Variants in TNFSF4 observed in about 807,000 individuals in gnomAD.
TNFSF4 encodes TNF superfamily member 4, also known as tumor necrosis factor ligand superfamily member 4.
Under a neutral mutation model 7.3 loss-of-function variants are expected in TNFSF4, and 4 were observed. That is an observed-to-expected ratio of 0.55 (90% CI 0.27 to 1.25). The LOEUF is 1.25. Among genes scored for constraint, TNFSF4 ranks in the 50% most tolerant of loss-of-function variants. The pLI is 0.12. For missense variants in TNFSF4, 181 were observed against 208.8 expected (o/e 0.87, Z 0.82); for synonymous variants, 76 against 83.7 (o/e 0.91, Z 0.50).
At chr1:173,205,239 A>C in intron 1 of TNFSF4, 1 of 1,568,750 alleles carries the variant, frequency 6.4e-7, no homozygotes, top group Non-Finnish European at 8.7e-7. Context: ...CAACTCAAAT[A>C]TACCACCTAT....
the TNFSF4 span, among the ~76,000 whole-genome samples, chr1:173,307,847 C>G: frequency 6.6e-6 from 1 of 151,812 alleles, no homozygotes; most frequent in African/African-American, 2.4e-5. Context: ...TCTTGCAATT[C>G]TTCTGTAAGG....
chr1:173,230,759 C>A, the TNFSF4 span, among the ~76,000 whole-genome samples: 4 of 152,108 alleles, frequency 2.6e-5, no homozygotes, highest in Admixed American at 2.6e-4. Flanking sequence ...CACCACCAAT[C>A]CCACAGAAAT....
the TNFSF4 span, among the ~76,000 whole-genome samples, chr1:173,269,574 G>A: frequency 6.6e-6 from 1 of 152,040 alleles, no homozygotes; most frequent in East Asian, 1.9e-4. Flanking sequence ...CACAATAGTT[G>A]ATCTGATAAG....
At chr1:173,189,154 CA>C (rs1649364452) in intron 1 of TNFSF4, among the ~76,000 whole-genome samples, 1 of 152,148 alleles carries the variant, frequency 6.6e-6, no homozygotes. Flanking sequence ...GCATTTCTGC[CA>C]AACTCTTCTT....
At chr1:173,324,447 T>G in the TNFSF4 span, among the ~76,000 whole-genome samples, 92 of 152,242 alleles carry the variant, frequency 6.0e-4, no homozygotes, top group African/African-American at 2.1e-3. Flanking sequence ...AGGAAGAAAC[T>G]GCATCAACTA....
intron 2 of TNFSF4, among the ~76,000 whole-genome samples, chr1:173,187,632 T>C (rs934458638): frequency 2.0e-5 from 3 of 152,178 alleles, no homozygotes; most frequent in Non-Finnish European, 4.4e-5. Context: ...TACCTCCTGT[T>C]GCTAGTTTTT....
At chr1:173,318,179 G>C in the TNFSF4 span, among the ~76,000 whole-genome samples, 2 of 152,132 alleles carry the variant, frequency 1.3e-5, no homozygotes, top group African/African-American at 2.4e-5. Context: ...GCTCATGCCT[G>C]TCTGTAATCC....
chr1:173,211,641 C>T (rs558559319), upstream of TNFSF4, among the ~76,000 whole-genome samples: 1 of 152,272 alleles, frequency 6.6e-6, no homozygotes, highest in South Asian at 2.1e-4. Context: ...CCCTTACCCT[C>T]CACCTCTGAC....
At chr1:173,398,409 C>CTTTTTTTTTTTTTTTTTTTTTT in the TNFSF4 span, among the ~76,000 whole-genome samples, 11 of 101,574 alleles carry the variant, frequency 1.1e-4, no homozygotes, top group South Asian at 3.5e-4. Flanking sequence ...TATTTCTTTT[C>CTTTTTTTTTTTTTTTTTTTTTT]TTTTTTTTTT....
chr1:173,446,555 G>A, the TNFSF4 span, among the ~76,000 whole-genome samples: 1 of 152,186 alleles, frequency 6.6e-6, no homozygotes, highest in Non-Finnish European at 1.5e-5. Context: ...TGAGGGTGTT[G>A]CCAAAGAAGA....
the TNFSF4 span, among the ~76,000 whole-genome samples, chr1:173,335,523 C>T: frequency 2.5e-4 from 38 of 152,258 alleles, no homozygotes; most frequent in African/African-American, 6.7e-4. Flanking sequence ...TAATAAACAG[C>T]AGAGTCAAGG....
At position 173,185,267 on chromosome 1, in the gene TNFSF4, T is replaced by C. The variant is rs1448381091; in HGVS notation, c.*1249A>G. On this transcript the variant is annotated 3_prime_UTR_variant, in exon 3 of 3. Transcript: ENST00000281834. ...GAGAAGTTACAAATCATCTGGAAAG[T>C]TGACATGAAAAATCAGATTGTCCAC... 6.6e-6 allele frequency: 1 copy of C among 152,208 alleles called. No individual in the cohort carries two copies. Among genetic ancestry groups the C allele is most frequent in the Non-Finnish European group, 1.5e-5 (1 of 68,030 alleles). 9.4% of individuals were successfully genotyped at this position (152,208 alleles called of 1,614,324 possible). A position where few individuals can be genotyped will look rare whatever the true frequency, so the allele number is the denominator to read the frequency against.
the TNFSF4 span, among the ~76,000 whole-genome samples, chr1:173,345,401 C>T: frequency 0.75 from 114,354 of 152,118 alleles, 43,111 homozygotes; most frequent in East Asian, 0.92. Context: ...ACCATTGCAA[C>T]AGAGAAAGAG....
the TNFSF4 span, among the ~76,000 whole-genome samples, chr1:173,382,549 G>C: frequency 6.6e-6 from 1 of 152,170 alleles, no homozygotes; most frequent in Non-Finnish European, 1.5e-5. Context: ...TTCTGCACGT[G>C]TATCCCAGAA....
At chr1:173,397,960 C>T in the TNFSF4 span, among the ~76,000 whole-genome samples, 1 of 152,082 alleles carries the variant, frequency 6.6e-6, no homozygotes, top group Non-Finnish European at 1.5e-5. Flanking sequence ...GTGGTGACTC[C>T]AATTATAGTT....
At chr1:173,188,294 A>T (rs920924803) in intron 2 of TNFSF4, among the ~76,000 whole-genome samples, 10 of 152,272 alleles carry the variant, frequency 6.6e-5, no homozygotes, top group African/African-American at 2.2e-4. Flanking sequence ...TAAAGTGATT[A>T]GTACAGAGAC....
At chr1:173,299,811 T>C in the TNFSF4 span, among the ~76,000 whole-genome samples, 18 of 151,774 alleles carry the variant, frequency 1.2e-4, no homozygotes, top group Non-Finnish European at 2.4e-4. Flanking sequence ...ACATGTAAAG[T>C]TGGGAGGGGG....
the TNFSF4 span, among the ~76,000 whole-genome samples, chr1:173,366,505 G>A: frequency 6.6e-6 from 1 of 151,948 alleles, no homozygotes; most frequent in African/African-American, 2.4e-5. Flanking sequence ...GAAACAGGGG[G>A]ATGGTTAATG....
At chr1:173,224,281 A>C in the TNFSF4 span, among the ~76,000 whole-genome samples, 1 of 152,216 alleles carries the variant, frequency 6.6e-6, no homozygotes, top group East Asian at 1.9e-4. Flanking sequence ...AGTGTGGGTA[A>C]GTGATGAGGA....
Sources: allele counts gnomAD v4.1 joint callset (sites outside exome capture counted in the v4.1 genomes callset), GRCh38; gene constraint gnomAD v4.1.1; transcripts MANE v1.5; gene names NCBI Gene and HGNC (gene_info 2026-07-23, HGNC 2026-07-21).